Variants in KRTAP10-7 observed in about 807,000 individuals in gnomAD.
The protein encoded by KRTAP10-7 is keratin associated protein 10-7, also known as keratin-associated protein 10-7.
For missense variants in KRTAP10-7, 394 were observed against 474.3 expected (o/e 0.83, Z 1.57); for synonymous variants, 162 against 199.6 (o/e 0.81, Z 1.59).
Position 44,601,778 on chromosome 21 carries a change from C to T in KRTAP10-7, c.*44C>T, listed in dbSNP as rs782206512. 7 of 1,575,350 alleles carry T rather than the reference C, an allele frequency of 4.4e-6. No individual in the cohort carries two copies. In the African/African-American group the frequency reaches 9.4e-5, roughly 21 times the overall value. ...TCCAAAGCCTGAGTGCTCACTGCCACCTGCACCCCTGGATTCTTTACCCTT... is the reference window on the plus strand; with the variant it reads ...TCCAAAGCCTGAGTGCTCACTGCCATCTGCACCCCTGGATTCTTTACCCTT... On this transcript the variant is annotated 3_prime_UTR_variant, in exon 1 of 1. Transcript: ENST00000609664.
rs782251684 is a variant in KRTAP10-7 at position 44,601,574 on chromosome 21, G to A, written c.953G>A (p.Arg318Lys). 1 of 1,612,798 alleles carries A rather than the reference G, an allele frequency of 6.2e-7. No individual in the cohort carries two copies. Among genetic ancestry groups the A allele is most frequent in the South Asian group, 1.1e-5 (1 of 90,972 alleles). ...TCCCTCCTCTGCCGCCCCGTGTGCA[G>A]GCCCGCCTGCTGCGTGCCCGTCCCC... Reference protein sequence around the residue: ...SVSLLCRPVCRPACCVPVPSC... With the variant: ...SVSLLCRPVCKPACCVPVPSC... The change falls in exon 1 of 1, where the codon AGG (arginine) becomes AAG (lysine). Residue 318 changes from arginine (R) to lysine (K), a missense_variant. Arg to Lys is a conservative substitution (Grantham distance 26). Coordinates refer to ENST00000609664, the MANE Select transcript of KRTAP10-7 (RefSeq NM_198689.3).
At position 44,600,755 on chromosome 21, in the gene KRTAP10-7, C is replaced by A. The variant is rs1555928408; in HGVS notation, c.134C>A (p.Pro45His). The A allele has an allele frequency of 1.3e-5, 21 of 1,604,082 alleles. No homozygotes were observed. The highest frequency in any genetic ancestry group is 4.5e-5 in the East Asian group (2 of 44,196). The change falls in exon 1 of 1, where the codon CCC becomes CAC. Residue 45 changes from proline to histidine, a missense_variant. Physicochemically the swap from Pro to His is moderately conservative, Grantham distance 77 (BLOSUM62 -2). Coordinates refer to ENST00000609664, the MANE Select transcript of KRTAP10-7 (RefSeq NM_198689.3). Reference protein sequence around the residue: ...DDCPESCCEPPCCAPAPCLSL... With the variant: ...DDCPESCCEPHCCAPAPCLSL... ...TGCCCAGAGAGCTGCTGCGAGCCCC[C>A]CTGCTGCGCCCCGGCCCCCTGCCTG...
At chr21:44,601,389 C>A in the KRTAP10-7 span, 1 of 1,612,588 alleles carries the variant, frequency 6.2e-7, no homozygotes, top group Non-Finnish European at 8.5e-7. Context: ...CAGCTTGCTG[C>A]ACCTCCTCCC....
Position 44,601,001 on chromosome 21 carries a change from C to T in KRTAP10-7, c.380C>T (p.Pro127Leu). The change falls in exon 1 of 1, where the codon CCT (proline) becomes CTT (leucine). Residue 127 changes from proline to leucine, a missense_variant. By Grantham distance (98) the Pro-to-Leu change is moderately conservative. Coordinates refer to ENST00000609664, the MANE Select transcript of KRTAP10-7 (RefSeq NM_198689.3). ...TVCCKPVYCVPVCSGDSSCCQ... is the reference protein window; with the variant it reads ...TVCCKPVYCVLVCSGDSSCCQ... ...TGCTGCAAGCCTGTGTACTGTGTGC[C>T]TGTCTGCAGTGGGGATTCTTCATGC... 3.1e-6 allele frequency: 5 copies of T among 1,611,544 alleles called. No homozygotes were observed. The highest frequency in any genetic ancestry group is 4.2e-6 in the Non-Finnish European group (5 of 1,179,782).
rs199544376 is a variant in KRTAP10-7, at chr21:44,601,506, G to A, written c.885G>A (p.Pro295=). ...TSCCQQSSCQ[P]ACCTTSCCRP... is the part of the protein sequence containing the mutation. ...GCTGCCAGCAGTCTAGCTGCCAGCC[G>A]GCTTGCTGCACCACCTCCTGCTGCA... is the stretch of plus-strand genomic sequence containing the variant. Residue 295 remains proline, a synonymous_variant, in exon 1 of 1, where the codon CCG becomes CCA. Coordinates refer to ENST00000609664, the MANE Select transcript of KRTAP10-7 (RefSeq NM_198689.3). 1.1e-3 allele frequency: 1,816 copies of A among 1,612,476 alleles called. 3 individuals are homozygous for A. The highest frequency in any genetic ancestry group is 3.2e-3 in the South Asian group (290 of 90,910).
At position 44,600,985 on chromosome 21, in the gene KRTAP10-7, C is replaced by A. The variant is rs781942192; in HGVS notation, c.364C>A (p.Pro122Thr). The A allele has an allele frequency of 6.2e-7, 1 of 1,611,520 alleles. No homozygotes were observed. Among genetic ancestry groups the A allele is most frequent in the South Asian group, 1.1e-5 (1 of 90,930 alleles). The change falls in exon 1 of 1, where the codon CCT becomes ACT. Residue 122 changes from proline (P) to threonine (T), a missense_variant. By Grantham distance (38) the Pro-to-Thr change is conservative. Coordinates refer to ENST00000609664, the MANE Select transcript of KRTAP10-7 (RefSeq NM_198689.3). ...PVCCKTVCCK[P>T]VYCVPVCSGD... ...CTGCTGCAAGACTGTCTGCTGCAAGCCTGTGTACTGTGTGCCTGTCTGCAG... is the reference window on the plus strand; with the variant it reads ...CTGCTGCAAGACTGTCTGCTGCAAGACTGTGTACTGTGTGCCTGTCTGCAG...
Position 44,602,061 on chromosome 21 carries a change from A to G in KRTAP10-7, c.*327A>G, listed in dbSNP as rs1304704209. 3 of 453,380 alleles carry G rather than the reference A, an allele frequency of 6.6e-6. No individual in the cohort carries two copies. The Admixed American group carries it at 1.1e-4, about 17-fold the overall frequency. The allele number at this position is 453,380 out of a possible 1,614,324, so 28.1% of individuals were successfully genotyped here. On this transcript the variant is annotated 3_prime_UTR_variant, in exon 1 of 1. Transcript: ENST00000609664. ...CAACTGGGTTTCTCGTCACTGTCCC[A>G]GCTCAGTGGCGAGCCCTGCTCCTCC...
Position 44,601,146 on chromosome 21 carries a change from G to C in KRTAP10-7, c.525G>C (p.Gln175His). The C allele has an allele frequency of 1.3e-6, 2 of 1,598,042 alleles. No individual in the cohort carries two copies. Among genetic ancestry groups the C allele is most frequent in the South Asian group, 2.2e-5 (2 of 90,140 alleles). The change falls in exon 1 of 1, where the codon CAG becomes CAC. Residue 175 changes from glutamine to histidine, a missense_variant. Gln to His is a conservative substitution (Grantham distance 24). Transcript: ENST00000609664. ...GGATTTCCTCTTCGTGCTGCCAGCA[G>C]TCTAGCTGTGTGAGCTGTGTGTCCA... ...CSGISSSCCQ[Q>H]SSCVSCVSSP...
Position 44,601,575 on chromosome 21 carries a change from G to A in KRTAP10-7, c.954G>A (p.Arg318=). ...CCCTCCTCTGCCGCCCCGTGTGCAG[G>A]CCCGCCTGCTGCGTGCCCGTCCCCT... ...SVSLLCRPVC[R]PACCVPVPSC... The change falls in exon 1 of 1, where the codon AGG becomes AGA. Residue 318 remains arginine, a synonymous_variant. Transcript: ENST00000609664. 1 of 1,613,344 alleles carries A rather than the reference G, an allele frequency of 6.2e-7. No homozygotes were observed. The highest frequency in any genetic ancestry group is 8.5e-7 in the Non-Finnish European group (1 of 1,179,660).
At position 44,601,597 on chromosome 21, in the gene KRTAP10-7, C is replaced by T. The variant is rs782459507; in HGVS notation, c.976C>T (p.Pro326Ser). Residue 326 changes from proline (P) to serine (S), a missense_variant, in exon 1 of 1, where the codon CCC becomes TCC. Coordinates refer to ENST00000609664, the MANE Select transcript of KRTAP10-7 (RefSeq NM_198689.3). ...CAGGCCCGCCTGCTGCGTGCCCGTC[C>T]CCTCCTGCTGCGCCCCCACCTCCTC... ...VCRPACCVPV[P>S]SCCAPTSSCQ... 5.6e-6 allele frequency: 9 copies of T among 1,612,590 alleles called. No individual in the cohort carries two copies. Among genetic ancestry groups the T allele is most frequent in the South Asian group, 1.1e-5 (1 of 91,008 alleles).
chr21:44,601,416 C>T lies in KRTAP10-7; in HGVS notation c.795C>T (p.Cys265=), dbSNP rs1555928743. The T allele has an allele frequency of 6.2e-7, 1 of 1,612,714 alleles. No homozygotes were observed. Among genetic ancestry groups the T allele is most frequent in the Non-Finnish European group, 8.5e-7 (1 of 1,179,278 alleles). ...CCTSSQSQQG[C]CVPVCCKPVC... is the part of the protein sequence containing the mutation. ...CCTCCTCCCAAAGCCAGCAGGGCTG[C>T]TGCGTGCCCGTCTGCTGTAAGCCTG... is the stretch of plus-strand genomic sequence containing the variant. The change falls in exon 1 of 1, where the codon TGC becomes TGT. Residue 265 remains cysteine (C), a synonymous_variant. Coordinates refer to ENST00000609664, the MANE Select transcript of KRTAP10-7 (RefSeq NM_198689.3).
In KRTAP10-7 at chr21:44,600,984, G is replaced by A. The variant is rs1555928516; in HGVS notation, c.363G>A (p.Lys121=). The A allele has an allele frequency of 6.2e-7, 1 of 1,612,016 alleles. No homozygotes were observed. Among genetic ancestry groups the A allele is most frequent in the South Asian group, 1.1e-5 (1 of 90,930 alleles). Residue 121 remains lysine (K), a synonymous_variant, in exon 1 of 1, where the codon AAG becomes AAA. Transcript: ENST00000609664. Reference sequence around the variant, plus strand: ...TCTGCTGCAAGACTGTCTGCTGCAAGCCTGTGTACTGTGTGCCTGTCTGCA... The same window carrying A: ...TCTGCTGCAAGACTGTCTGCTGCAAACCTGTGTACTGTGTGCCTGTCTGCA... The part of the protein sequence containing the change: ...VPVCCKTVCC[K]PVYCVPVCSG...
Position 44,601,551 on chromosome 21 carries a change from C to G in KRTAP10-7, c.930C>G (p.Ser310=), listed in dbSNP as rs587686729. The G allele has an allele frequency of 6.2e-7, 1 of 1,613,788 alleles. No homozygotes were observed. The highest frequency in any genetic ancestry group is 1.1e-5 in the South Asian group (1 of 91,042). The change falls in exon 1 of 1, where the codon TCC becomes TCG. Residue 310 remains serine, a synonymous_variant. Coordinates refer to ENST00000609664, the MANE Select transcript of KRTAP10-7 (RefSeq NM_198689.3). ...TSCCRPSSSV[S]LLCRPVCRPA... ...GCTGCAGACCCTCCTCCTCCGTGTC[C>G]CTCCTCTGCCGCCCCGTGTGCAGGC... is the stretch of plus-strand genomic sequence containing the variant.
Position 44,601,855 on chromosome 21 carries a change from G to C in KRTAP10-7, c.*121G>C. ...GCCCTGCAGTGGACGTCAGTGGTCA[G>C]CTGGCCATCCAGTGTGCGCTTCTCC... On this transcript the variant is annotated 3_prime_UTR_variant, in exon 1 of 1. Coordinates refer to ENST00000609664, the MANE Select transcript of KRTAP10-7 (RefSeq NM_198689.3). 7.3e-7 allele frequency: 1 copy of C among 1,368,398 alleles called. No homozygotes were observed. Among genetic ancestry groups the C allele is most frequent in the East Asian group, 2.5e-5 (1 of 40,522 alleles). 84.8% of individuals were successfully genotyped at this position (1,368,398 alleles called of 1,614,324 possible). A position where few individuals can be genotyped will look rare whatever the true frequency, so the allele number is the denominator to read the frequency against.
chr21:44,601,330 G>A lies in KRTAP10-7; in HGVS notation c.709G>A (p.Val237Ile), dbSNP rs200978985. 7.4e-5 allele frequency: 120 copies of A among 1,613,086 alleles called. No homozygotes were observed. The highest frequency in any genetic ancestry group is 3.3e-4 in the Middle Eastern group (2 of 6,074). Residue 237 changes from valine (V) to isoleucine (I), a missense_variant, in exon 1 of 1, where the codon GTC becomes ATC. By Grantham distance (29) the Val-to-Ile change is conservative. Coordinates refer to ENST00000609664, the MANE Select transcript of KRTAP10-7 (RefSeq NM_198689.3). ...ACCVPVCCKP[V>I]CCVPTCSDDS... is the part of the protein sequence containing the mutation. Reference sequence around the variant, plus strand: ...CTGTGTGCCTGTCTGCTGCAAGCCCGTCTGCTGTGTGCCCACCTGCTCTGA... The same window carrying A: ...CTGTGTGCCTGTCTGCTGCAAGCCCATCTGCTGTGTGCCCACCTGCTCTGA...
At position 44,601,623 on chromosome 21, in the gene KRTAP10-7, C is replaced by G. The variant is rs782339129; in HGVS notation, c.1002C>G (p.Ser334=). The change falls in exon 1 of 1, where the codon TCC becomes TCG. Residue 334 remains serine, a synonymous_variant. Transcript: ENST00000609664. Reference sequence around the variant, plus strand: ...CCTCCTGCTGCGCCCCCACCTCCTCCTGCCAGGCCAGCTGCTGCCGCCCAG... The same window carrying G: ...CCTCCTGCTGCGCCCCCACCTCCTCGTGCCAGGCCAGCTGCTGCCGCCCAG... ...PVPSCCAPTS[S]CQASCCRPAS... The G allele has an allele frequency of 1.2e-6, 2 of 1,613,694 alleles. No homozygotes were observed. The highest frequency in any genetic ancestry group is 1.7e-6 in the Non-Finnish European group (2 of 1,179,762).
In KRTAP10-7 at chr21:44,600,756, C is replaced by A; in HGVS notation, c.135C>A (p.Pro45=). Residue 45 remains proline, a synonymous_variant, in exon 1 of 1, where the codon CCC becomes CCA. Coordinates refer to ENST00000609664, the MANE Select transcript of KRTAP10-7 (RefSeq NM_198689.3). ...DDCPESCCEP[P]CCAPAPCLSL... is the part of the protein sequence containing the mutation. ...GCCCAGAGAGCTGCTGCGAGCCCCC[C>A]TGCTGCGCCCCGGCCCCCTGCCTGA... is the stretch of plus-strand genomic sequence containing the variant. 2 of 1,605,022 alleles carry A rather than the reference C, an allele frequency of 1.2e-6. No individual in the cohort carries two copies. Among genetic ancestry groups the A allele is most frequent in the Non-Finnish European group, 8.5e-7 (1 of 1,177,812 alleles).
rs201563690 is a variant in KRTAP10-7 at position 44,601,499 on chromosome 21, G to A, written c.878G>A (p.Cys293Tyr). The A allele has an allele frequency of 1.1e-3, 1,725 of 1,612,800 alleles. 3 individuals carry two copies. Among genetic ancestry groups the A allele is most frequent in the South Asian group, 3.1e-3 (285 of 90,934 alleles). ...ACTTCATGCTGCCAGCAGTCTAGCTGCCAGCCGGCTTGCTGCACCACCTCC... is the reference window on the plus strand; with the variant it reads ...ACTTCATGCTGCCAGCAGTCTAGCTACCAGCCGGCTTGCTGCACCACCTCC... The part of the protein sequence containing the change: ...ASTSCCQQSS[C>Y]QPACCTTSCC... Residue 293 changes from cysteine to tyrosine, a missense_variant, in exon 1 of 1, where the codon TGC (cysteine) becomes TAC (tyrosine). Cys to Tyr is a radical substitution (Grantham distance 194). Transcript: ENST00000609664.
Position 44,601,238 on chromosome 21 carries a change from C to T in KRTAP10-7, c.617C>T (p.Pro206Leu). The T allele has an allele frequency of 1.2e-6, 2 of 1,606,468 alleles. No individual in the cohort carries two copies. Among genetic ancestry groups the T allele is most frequent in the Non-Finnish European group, 1.7e-6 (2 of 1,177,948 alleles). Reference sequence around the variant, plus strand: ...TCAGGCTGCATCAGCTCCTGCACGCCCTCGTGCTGCCAGCAGTCTAGCTGC... The same window carrying T: ...TCAGGCTGCATCAGCTCCTGCACGCTCTCGTGCTGCCAGCAGTCTAGCTGC... Reference protein sequence around the residue: ...CQSGCISSCTPSCCQQSSCKP... With the variant: ...CQSGCISSCTLSCCQQSSCKP... Residue 206 changes from proline (P) to leucine (L), a missense_variant, in exon 1 of 1, where the codon CCC (proline) becomes CTC (leucine). Transcript: ENST00000609664.
Sources: allele counts gnomAD v4.1 joint callset, GRCh38; gene constraint gnomAD v4.1.1; transcripts MANE v1.5; gene names NCBI Gene and HGNC (gene_info 2026-07-23, HGNC 2026-07-21).